TENM1: variants seen among roughly 807,000 people sequenced by gnomAD.
The protein encoded by TENM1 is teneurin-1.
TENM1 carries 35 observed loss-of-function variants against 174.8 expected under a neutral mutation model. The ratio of observed to expected loss-of-function variants is 0.20; its 90% confidence interval spans 0.15 to 0.27. The LOEUF (loss-of-function observed/expected upper bound fraction) is 0.27. Ranked by LOEUF, TENM1 falls within the 10% of genes least tolerant of loss-of-function variation. TENM1 has a pLI of 1.00. For missense variants in TENM1, 1,633 were observed against 2,130.1 expected, an observed-to-expected ratio of 0.77 and a Z score of 4.59; for synonymous variants, 781 against 798.7, an observed-to-expected ratio of 0.98 and a Z score of 0.37.
At chrX:124,442,357 G>C (rs2060912425) in intron 23 of TENM1, among the ~76,000 whole-genome samples, 1 of 112,122 alleles carries the variant, frequency 8.9e-6, no homozygotes, top group South Asian at 3.7e-4. Context: ...AGATTTTCTT[G>C]ATTCCCTACA....
the TENM1 span, among the ~76,000 whole-genome samples, chrX:125,176,960 A>C: frequency 8.0e-5 from 9 of 112,174 alleles, no homozygotes; most frequent in Non-Finnish European, 1.5e-4. Flanking sequence ...AGGCATGTAC[A>C]TAAGTGCATC....
rs1257951880 is a variant in TENM1, at chrX:124,420,539, G to A, written c.4754C>T (p.Ala1585Val). 5.8e-6 allele frequency: 7 copies of A among 1,211,920 alleles called. No homozygotes were observed. The South Asian group carries it at 7.0e-5, about 12-fold the overall frequency. Residue 1585 changes from alanine (A) to valine (V), a missense_variant, in exon 25 of 32, where the codon GCG becomes GTG. By Grantham distance (64) the Ala-to-Val change is moderately conservative. Transcript: ENST00000422452. ...TGAATTGCCATTGCTGCTGGTAATCGCGCCCAAGTCACCTTCAGAATTGTA... is the reference window on the plus strand; with the variant it reads ...TGAATTGCCATTGCTGCTGGTAATCACGCCCAAGTCACCTTCAGAATTGTA...
At chrX:124,692,432 A>G (rs1244042689) in intron 5 of TENM1, among the ~76,000 whole-genome samples, 1 of 110,985 alleles carries the variant, frequency 9.0e-6, no homozygotes, top group Non-Finnish European at 1.9e-5. Context: ...CCCTGAAACT[A>G]AAAGTTAAAA....
the TENM1 span, among the ~76,000 whole-genome samples, chrX:125,037,827 G>T: frequency 2.1e-4 from 23 of 111,461 alleles, no homozygotes; most frequent in African/African-American, 7.5e-4. Flanking sequence ...CTCTTGGAAT[G>T]CTCTCAGTAC....
intron 3 of TENM1, among the ~76,000 whole-genome samples, chrX:124,822,856 G>C (rs2056070863): frequency 8.9e-6 from 1 of 111,876 alleles, no homozygotes; most frequent in Non-Finnish European, 1.9e-5. Context: ...AAGAATCTAG[G>C]ACCCAGAATC....
At chrX:125,105,998 A>AC in the TENM1 span, among the ~76,000 whole-genome samples, 1 of 111,386 alleles carries the variant, frequency 9.0e-6, no homozygotes, top group African/African-American at 3.3e-5. Flanking sequence ...TGTTCCATAG[A>AC]CCCGCCCACT....
At chrX:124,533,366 G>A (rs1389806810) in intron 15 of TENM1, among the ~76,000 whole-genome samples, 1 of 111,708 alleles carries the variant, frequency 9.0e-6, no homozygotes, top group Non-Finnish European at 1.9e-5. Flanking sequence ...AAGGCAGCCT[G>A]TATAGTTCAT....
the TENM1 span, among the ~76,000 whole-genome samples, chrX:125,163,130 T>C: frequency 8.9e-6 from 1 of 111,805 alleles, no homozygotes; most frequent in African/African-American, 3.2e-5. Flanking sequence ...CTCTGGATGC[T>C]ATATAATGGA....
At chrX:124,668,657 C>T (rs1456039760) in intron 6 of TENM1, among the ~76,000 whole-genome samples, 1 of 107,061 alleles carries the variant, frequency 9.3e-6, no homozygotes. Context: ...AATGAGAACA[C>T]ATGGACACAG....
intron 22 of TENM1, among the ~76,000 whole-genome samples, chrX:124,465,639 C>G (rs901977315): frequency 9.0e-6 from 1 of 111,105 alleles, no homozygotes; most frequent in Non-Finnish European, 1.9e-5. Flanking sequence ...GTTCCTAGTT[C>G]TTTTTTACCT....
chrX:124,761,032 A>C (rs778168187), intron 3 of TENM1, among the ~76,000 whole-genome samples: 9 of 112,019 alleles, frequency 8.0e-5, no homozygotes, highest in Admixed American at 5.7e-4. Flanking sequence ...GATCATTAAA[A>C]AGTCAGGAAA....
chrX:125,136,678 T>A, the TENM1 span, among the ~76,000 whole-genome samples: 1 of 111,706 alleles, frequency 9.0e-6, no homozygotes, highest in Non-Finnish European at 1.9e-5. Flanking sequence ...CATCCATGGG[T>A]TCCATATCTG....
At chrX:124,563,843 G>C in intron 12 of TENM1, 71 bp from the exon 16 acceptor site, 9 of 978,833 alleles carry the variant, frequency 9.2e-6, no homozygotes, top group Admixed American at 2.7e-5. Context: ...TGTACTAATG[G>C]TTTACCATCT....
chrX:125,098,491 C>T, the TENM1 span, among the ~76,000 whole-genome samples: 3 of 111,523 alleles, frequency 2.7e-5, no homozygotes, highest in African/African-American at 9.8e-5. Flanking sequence ...ATTGGAAGAA[C>T]AAAATAAGTG....
chrX:124,406,149 G>T (rs1315456623), intron 26 of TENM1, among the ~76,000 whole-genome samples, 168 bp downstream of exon 29: 4 of 108,587 alleles, frequency 3.7e-5, no homozygotes, highest in Non-Finnish European at 7.6e-5. Context: ...GTGAGAACTT[G>T]TAAAAGGTGT....
intron 11 of TENM1, among the ~76,000 whole-genome samples, chrX:124,569,777 G>A (rs1413366208): frequency 9.0e-6 from 1 of 111,281 alleles, no homozygotes; most frequent in Non-Finnish European, 1.9e-5. Flanking sequence ...AGAAAAACGA[G>A]CTGAAAAACC....
intron 23 of TENM1, among the ~76,000 whole-genome samples, chrX:124,437,692 A>G (rs2060858561): frequency 8.9e-6 from 1 of 111,892 alleles, no homozygotes; most frequent in Non-Finnish European, 1.9e-5. Context: ...TTTCTTTTAT[A>G]TTCACTCTTG....
the TENM1 span, among the ~76,000 whole-genome samples, chrX:125,023,330 C>A: frequency 1.8e-5 from 2 of 111,528 alleles, no homozygotes; most frequent in African/African-American, 6.5e-5. Context: ...TCTCCTCCAC[C>A]TTCCACGATG....
At chrX:124,630,324 T>G (rs1238213725) in intron 11 of TENM1, among the ~76,000 whole-genome samples, 19 of 112,146 alleles carry the variant, frequency 1.7e-4, no homozygotes, top group Non-Finnish European at 1.1e-4. Context: ...ACTATTAACC[T>G]CACTGACTTT....
Sources: allele counts gnomAD v4.1 joint callset (sites outside exome capture counted in the v4.1 genomes callset), GRCh38; gene constraint gnomAD v4.1.1; transcripts MANE v1.5; gene names NCBI Gene and HGNC (gene_info 2026-07-23, HGNC 2026-07-21).